RASA1: variants seen among roughly 807,000 people sequenced by gnomAD.
The protein encoded by RASA1 is RAS p21 protein activator 1, also known as ras GTPase-activating protein 1.
A neutral mutation model predicts 132.2 loss-of-function variants in RASA1; 25 were observed. The observed-to-expected ratio is 0.19, with a 90% confidence interval of 0.14 to 0.26. RASA1 has a LOEUF of 0.26. Ranked by LOEUF, RASA1 falls within the 10% of genes least tolerant of loss-of-function variation. The pLI is 1.00. For missense variants in RASA1, 964 were observed against 1,299.2 expected, an observed-to-expected ratio of 0.74 and a Z score of 3.97; for synonymous variants, 477 against 449.9, an observed-to-expected ratio of 1.06 and a Z score of -0.76.
intron 5 of RASA1, among the ~76,000 whole-genome samples, chr5:87,340,869 A>G (rs757316554): frequency 2.0e-5 from 3 of 152,156 alleles, no homozygotes; most frequent in Non-Finnish European, 1.5e-5. Context: ...ACCAAAAAAC[A>G]ATTGGTAGTA....
intron 4 of RASA1, among the ~76,000 whole-genome samples, chr5:87,334,556 A>T (rs1321580152): frequency 6.6e-6 from 1 of 152,234 alleles, no homozygotes; most frequent in Non-Finnish European, 1.5e-5. Context: ...TTTTCATAAC[A>T]TACTAAGACA....
chr5:87,349,192 A>G, intron 7 of RASA1, 22 bp from the exon 8 acceptor site: 2 of 1,610,282 alleles, frequency 1.2e-6, no homozygotes, highest in Non-Finnish European at 1.7e-6. Flanking sequence ...TTAGGGAAAA[A>G]CTAACAGCTT....
intron 15 of RASA1, among the ~76,000 whole-genome samples, chr5:87,375,368 C>A (rs980721490): frequency 2.0e-5 from 3 of 151,784 alleles, no homozygotes; most frequent in Non-Finnish European, 4.4e-5. Context: ...TCAAGCAATT[C>A]TCCTGCCTCA....
At chr5:87,353,883 T>C (rs1185502632) in intron 9 of RASA1, among the ~76,000 whole-genome samples, 2 of 152,118 alleles carry the variant, frequency 1.3e-5, no homozygotes, top group Non-Finnish European at 2.9e-5. Flanking sequence ...TCTTCCTCAT[T>C]GCACTTTCTG....
chr5:87,281,080 T>C (rs1754297343), intron 1 of RASA1, among the ~76,000 whole-genome samples: 1 of 152,152 alleles, frequency 6.6e-6, no homozygotes, highest in Non-Finnish European at 1.5e-5. Context: ...AGTGCCTGCT[T>C]TCATTTTGGG....
At chr5:87,311,003 T>G (rs1171505646) in intron 1 of RASA1, among the ~76,000 whole-genome samples, 1 of 152,212 alleles carries the variant, frequency 6.6e-6, no homozygotes, top group Non-Finnish European at 1.5e-5. Flanking sequence ...TTTTATTAAG[T>G]TGCAGTCCTT....
At position 87,390,789 on chromosome 5, in the gene RASA1, C is replaced by T. The variant is rs548241728; in HGVS notation, c.3061-11C>T. 47 of 1,603,076 alleles carry T rather than the reference C, an allele frequency of 2.9e-5. No individual in the cohort carries two copies. The highest frequency in any genetic ancestry group is 3.8e-5 in the Non-Finnish European group (45 of 1,170,146). Reference sequence around the variant, plus strand: ...TTTCATTTATTTTCATACCATTTTTCCTCTGTCTAGCACGTATTGAAAAAG... The same window carrying T: ...TTTCATTTATTTTCATACCATTTTTTCTCTGTCTAGCACGTATTGAAAAAG... On this transcript the variant is annotated splice_polypyrimidine_tract_variant and intron_variant, in intron 24 of 24. Transcript: ENST00000274376.
At chr5:87,322,558 T>C (rs889682352) in intron 1 of RASA1, among the ~76,000 whole-genome samples, 1 of 152,088 alleles carries the variant, frequency 6.6e-6, no homozygotes, top group East Asian at 1.9e-4. Context: ...TCTTGCTCTC[T>C]CTGGTCATGT....
At chr5:87,318,668 C>T (rs764361296) in intron 1 of RASA1, 3 of 152,180 alleles carry the variant, frequency 2.0e-5, no homozygotes, top group Non-Finnish European at 4.4e-5. Context: ...TCACCTCCTA[C>T]CAGGTCCCCT....
At chr5:87,284,247 A>G (rs1014692905) in intron 1 of RASA1, among the ~76,000 whole-genome samples, 2 of 152,190 alleles carry the variant, frequency 1.3e-5, no homozygotes, top group African/African-American at 4.8e-5. Context: ...TAATTAAACC[A>G]TTGTTAGCTT....
Position 87,268,967 on chromosome 5 carries a change from G to A in RASA1, c.516G>A (p.Pro172=). Residue 172 remains proline (P), a synonymous_variant, in exon 1 of 25, where the codon CCG becomes CCA. Transcript: ENST00000274376. ...PEYEEEEVAI[P]LTAPPTNQWY... Reference sequence around the variant, plus strand: ...ACGAGGAGGAAGAGGTGGCCATACCGTTGACCGCTCCTCCAACTAACCAGT... The same window carrying A: ...ACGAGGAGGAAGAGGTGGCCATACCATTGACCGCTCCTCCAACTAACCAGT... 1 of 1,614,204 alleles carries A rather than the reference G, an allele frequency of 6.2e-7. No individual in the cohort carries two copies. Among genetic ancestry groups the A allele is most frequent in the Non-Finnish European group, 8.5e-7 (1 of 1,180,044 alleles).
At chr5:87,313,700 C>CA (rs1346894271) in intron 1 of RASA1, among the ~76,000 whole-genome samples, 4 of 151,726 alleles carry the variant, frequency 2.6e-5, no homozygotes, top group Non-Finnish European at 5.9e-5. Context: ...GATAAAATGC[C>CA]AAAAAAAGTC....
intron 12 of RASA1, among the ~76,000 whole-genome samples, chr5:87,371,377 A>C (rs1760928022): frequency 6.6e-6 from 1 of 152,038 alleles, no homozygotes; most frequent in South Asian, 2.1e-4. Flanking sequence ...TGAAATAGCC[A>C]ACAAACTAAA....
chr5:87,277,188 A>G (rs1008652089), intron 1 of RASA1, among the ~76,000 whole-genome samples: 3 of 152,140 alleles, frequency 2.0e-5, no homozygotes, highest in Non-Finnish European at 2.9e-5. Flanking sequence ...TGTAAATACT[A>G]TGCTTTTTAT....
At chr5:87,345,434 A>G (rs1172943775) in intron 6 of RASA1, among the ~76,000 whole-genome samples, 1 of 152,154 alleles carries the variant, frequency 6.6e-6, no homozygotes, top group Non-Finnish European at 1.5e-5. Flanking sequence ...GTCCTCCAGA[A>G]TATAAAAATC....
intron 1 of RASA1, among the ~76,000 whole-genome samples, chr5:87,306,194 G>A (rs1278791968): frequency 6.6e-6 from 1 of 152,086 alleles, no homozygotes; most frequent in Non-Finnish European, 1.5e-5. Flanking sequence ...ACTCTTCACG[G>A]TAGCAGAGAC....
At chr5:87,270,314 A>T (rs1753768847) in intron 1 of RASA1, among the ~76,000 whole-genome samples, 1 of 150,908 alleles carries the variant, frequency 6.6e-6, no homozygotes. Flanking sequence ...ATATGTTGAC[A>T]GTCACTCTGG....
intron 12 of RASA1, 78 bp from the exon 13 acceptor site, chr5:87,372,040 A>AG (rs1418178590): frequency 1.6e-6 from 2 of 1,247,242 alleles, no homozygotes; most frequent in Non-Finnish European, 2.1e-6. Context: ...GTTGAATTTG[A>AG]AAAAAAAAAC....
chr5:87,380,394 TA>T (rs1337389081), intron 19 of RASA1, 114 bp from the exon 20 acceptor site: 3 of 974,972 alleles, frequency 3.1e-6, no homozygotes, highest in Non-Finnish European at 4.9e-6. Context: ...CTTTTTTGGG[TA>T]AAAGGCCAGT....
Sources: gnomAD v4.1 joint callset for allele counts (sites outside exome capture counted in the v4.1 genomes callset) on GRCh38, gnomAD v4.1.1 for gene constraint, MANE v1.5 for transcripts, NCBI Gene and HGNC (gene_info 2026-07-23, HGNC 2026-07-21) for gene names.